EXOC2: variants seen among roughly 807,000 people sequenced by gnomAD.
EXOC2 encodes the protein SEC5-like 1.
A neutral mutation model predicts 131.8 loss-of-function variants in EXOC2; 70 were observed. The observed-to-expected ratio is 0.53, with a 90% confidence interval of 0.44 to 0.65. EXOC2 has a LOEUF of 0.65. EXOC2 is among the 30% of genes least tolerant of loss of function. The probability of loss-of-function intolerance (pLI) is 0.00; values close to 1 mark genes in which losing one functional copy is unlikely to be tolerated. For missense variants in EXOC2, 923 were observed against 1,108.6 expected (o/e 0.83, Z 2.38); for synonymous variants, 411 against 398.4 (o/e 1.03, Z -0.38).
At position 547,693 on chromosome 6, in the gene EXOC2, A is replaced by C. The variant is rs183286559; in HGVS notation, c.2238+1482T>G. Among the ~76,000 whole-genome samples, 3 of 152,332 alleles carry C rather than the reference A, an allele frequency of 2.0e-5. No homozygotes were observed. The East Asian group carries it at 5.8e-4, about 29-fold the overall frequency. On this transcript the variant is annotated intron_variant, in intron 22 of 27. Transcript: ENST00000230449. ...TCTAAATCTAGTTTACTATCTATTC[A>C]TTCTAAACACAACTGAATTTCAAAA...
intron 22 of EXOC2, among the ~76,000 whole-genome samples, chr6:534,066 T>A (rs1217834635): frequency 6.6e-6 from 1 of 152,000 alleles, no homozygotes; most frequent in Non-Finnish European, 1.5e-5. Context: ...AGCTAACAAA[T>A]GAGTAGATTA....
chr6:587,284 G>A (rs1285393271), intron 11 of EXOC2, among the ~76,000 whole-genome samples: 6 of 149,270 alleles, frequency 4.0e-5, no homozygotes, highest in Non-Finnish European at 5.9e-5. Flanking sequence ...TTGCTCTGTC[G>A]CCCAGGCTGG....
chr6:686,467 C>G (rs991359625), intron 1 of EXOC2, among the ~76,000 whole-genome samples: 1 of 151,830 alleles, frequency 6.6e-6, no homozygotes, highest in Non-Finnish European at 1.5e-5. Flanking sequence ...AAAGGCCTTC[C>G]CTCCCTCTAC....
chr6:613,304 C>T (rs1395292514), intron 6 of EXOC2, among the ~76,000 whole-genome samples: 1 of 152,090 alleles, frequency 6.6e-6, no homozygotes, highest in Non-Finnish European at 1.5e-5. Context: ...AGAAACAAAA[C>T]CGACAATGGC....
intron 22 of EXOC2, among the ~76,000 whole-genome samples, chr6:540,273 A>T (rs1766733653): frequency 6.6e-6 from 1 of 152,184 alleles, no homozygotes; most frequent in African/African-American, 2.4e-5. Context: ...TTAATAATCA[A>T]GTTAGTCACC....
intron 1 of EXOC2, among the ~76,000 whole-genome samples, chr6:651,313 G>A (rs1227988244): frequency 2.0e-5 from 3 of 152,076 alleles, no homozygotes; most frequent in Non-Finnish European, 4.4e-5. Context: ...GATTACAGGC[G>A]TGAGCCACCG....
intron 22 of EXOC2, 114 bp downstream of exon 22, chr6:549,061 T>A: frequency 1.3e-6 from 1 of 787,304 alleles, no homozygotes; most frequent in South Asian, 1.6e-5. Context: ...AGTGTGGCTG[T>A]GGGGGCGGCA....
At chr6:604,158 G>T (rs1747593) in intron 7 of EXOC2, among the ~76,000 whole-genome samples, 13,603 of 152,146 alleles carry the variant, frequency 0.089, 1,035 homozygotes, top group African/African-American at 0.21. Flanking sequence ...ACGACCCTCA[G>T]GAATCTCAAA....
chr6:489,385 T>C (rs776825939), intron 26 of EXOC2, among the ~76,000 whole-genome samples: 18 of 152,200 alleles, frequency 1.2e-4, no homozygotes, highest in Non-Finnish European at 1.9e-4. Flanking sequence ...CAGCTGGGGA[T>C]AATCCAGTTA....
intron 26 of EXOC2, among the ~76,000 whole-genome samples, chr6:490,704 T>C (rs1763381336): frequency 6.6e-6 from 1 of 152,232 alleles, no homozygotes; most frequent in Non-Finnish European, 1.5e-5. Flanking sequence ...CACCTACTGA[T>C]ATTTCAATGG....
chr6:537,189 G>A (rs369505972), intron 22 of EXOC2, among the ~76,000 whole-genome samples: 8 of 151,974 alleles, frequency 5.3e-5, no homozygotes, highest in Non-Finnish European at 1.2e-4. Context: ...GACGACCGAC[G>A]GAGCGTACAC....
At chr6:599,622 G>A (rs747473055) in intron 7 of EXOC2, among the ~76,000 whole-genome samples, 23 of 151,996 alleles carry the variant, frequency 1.5e-4, no homozygotes, top group Non-Finnish European at 2.8e-4. Context: ...TAAATTCTGC[G>A]GACTCAATAT....
In EXOC2 at chr6:601,085, C is replaced by T. The variant is rs192525985; in HGVS notation, c.743-1860G>A. 1.4e-4 allele frequency among the ~76,000 whole-genome samples: 22 copies of T among 152,240 alleles called. No individual in the cohort carries two copies. In the East Asian group the frequency reaches 3.3e-3, roughly 23 times the overall value. On this transcript the variant is annotated intron_variant, in intron 7 of 27. Transcript: ENST00000230449. ...CATTTTATGTCTTTCTTCTTTAGGG[C>T]TACTAATAAGAAAACAAAACTATTG...
At chr6:616,771 T>C (rs1183021471) in intron 6 of EXOC2, among the ~76,000 whole-genome samples, 1 of 151,152 alleles carries the variant, frequency 6.6e-6, no homozygotes, top group Non-Finnish European at 1.5e-5. Context: ...AGAGATGGGG[T>C]CTCGCTCTGT....
chr6:547,730 G>C (rs1276009073), intron 22 of EXOC2, among the ~76,000 whole-genome samples: 1 of 151,842 alleles, frequency 6.6e-6, no homozygotes, highest in East Asian at 1.9e-4. Flanking sequence ...ATTCAAGACG[G>C]TCGATGAAAA....
chr6:576,652 A>G, intron 12 of EXOC2, 105 bp downstream of exon 12: 1 of 1,354,130 alleles, frequency 7.4e-7, no homozygotes, highest in South Asian at 1.4e-5. Flanking sequence ...GATAATACTT[A>G]GCACCAGTAT....
At chr6:646,670 C>T (rs1462782348) in intron 1 of EXOC2, among the ~76,000 whole-genome samples, 1 of 152,058 alleles carries the variant, frequency 6.6e-6, no homozygotes, top group East Asian at 1.9e-4. Flanking sequence ...AATGAATAAA[C>T]TGATATTACA....
At chr6:501,673 GATATATATATCTATAAAAGAT>G (rs1228370933) in intron 23 of EXOC2, among the ~76,000 whole-genome samples, 11 of 111,362 alleles carry the variant, frequency 9.9e-5, no homozygotes, top group African/African-American at 2.8e-4. Context: ...ATCTATAAAA[GATATATATATCTATAAAAGAT>G]ATATATATCT....
intron 25 of EXOC2, among the ~76,000 whole-genome samples, chr6:492,488 A>C (rs1561773534): frequency 6.6e-6 from 1 of 152,242 alleles, no homozygotes; most frequent in Non-Finnish European, 1.5e-5. Context: ...TATTAATCAA[A>C]GGTGGGAAAA....
Sources: allele counts gnomAD v4.1 joint callset (sites outside exome capture counted in the v4.1 genomes callset), GRCh38; gene constraint gnomAD v4.1.1; transcripts MANE v1.5; gene names NCBI Gene and HGNC (gene_info 2026-07-23, HGNC 2026-07-21).